Variants in RHOH observed in about 807,000 individuals in gnomAD.
RHOH encodes ras homolog family member H, also known as rho-related GTP-binding protein RhoH.
A neutral mutation model predicts 13.8 loss-of-function variants in RHOH; 6 were observed. The ratio of observed to expected loss-of-function variants is 0.44; its 90% CI spans 0.24 to 0.86. The LOEUF (loss-of-function observed/expected upper bound fraction) is 0.86. Ranked by LOEUF, RHOH falls within the 40% of genes least tolerant of loss-of-function variation. The probability of loss-of-function intolerance (pLI) is 0.24; values close to 1 mark genes in which losing one functional copy is unlikely to be tolerated. For synonymous variants in RHOH, 117 were observed against 103.0 expected (o/e 1.14, Z -0.82); for missense variants, 147 against 244.5 (o/e 0.60, Z 2.66).
chr4:40,214,153 T>G (rs145621004), intron 1 of RHOH, among the ~76,000 whole-genome samples: 5 of 152,306 alleles, frequency 3.3e-5, no homozygotes, highest in Non-Finnish European at 5.9e-5. Context: ...TCCTTTGCTA[T>G]TTGGTTCGCA....
chr4:40,210,469 C>T (rs1725142611), intron 1 of RHOH, among the ~76,000 whole-genome samples: 1 of 152,110 alleles, frequency 6.6e-6, no homozygotes, highest in Non-Finnish European at 1.5e-5. Context: ...GATGAGTTGG[C>T]AGTGGTTGTC....
intron 1 of RHOH, among the ~76,000 whole-genome samples, chr4:40,201,414 A>G (rs1723969366): frequency 1.3e-5 from 2 of 152,060 alleles, no homozygotes; most frequent in Admixed American, 1.3e-4. Context: ...GGAGATGTTT[A>G]CAGTGGTGTT....
intron 1 of RHOH, among the ~76,000 whole-genome samples, chr4:40,203,779 C>A (rs976255124): frequency 6.6e-6 from 1 of 152,072 alleles, no homozygotes; most frequent in African/African-American, 2.4e-5. Context: ...TTTTGTCCAG[C>A]ACTTGAACCA....
chr4:40,198,325 AG>A (rs1260666386), intron 1 of RHOH, among the ~76,000 whole-genome samples: 1 of 152,254 alleles, frequency 6.6e-6, no homozygotes, highest in Non-Finnish European at 1.5e-5. Context: ...GGAGATGATA[AG>A]GCCAGTTGAA....
chr4:40,243,308 T>C lies in RHOH; in HGVS notation c.-79T>C, dbSNP rs1350305626. ...CCTGGCTTGCATTCCCCTTGCTGAA[T>C]GGCGTGTGCTGCAGCTGCCCACTGA... On this transcript the variant is annotated 5_prime_UTR_variant, in exon 3 of 3. The change abolishes an upstream ATG in the 5' untranslated region. Transcript: ENST00000381799. This position sits in a 1 kb window ranked among gnomAD's most constrained non-coding sequence, Gnocchi z 6.2. The C allele has an allele frequency of 7.8e-7, 1 of 1,288,870 alleles. No individual in the cohort carries two copies. Among genetic ancestry groups the C allele is most frequent in the African/African-American group, 1.5e-5 (1 of 67,066 alleles). 79.8% of individuals were successfully genotyped at this position (1,288,870 alleles called of 1,614,324 possible).
upstream of RHOH, chr4:40,196,998 T>C (rs1723214617): frequency 6.8e-6 from 1 of 147,642 alleles, no homozygotes; most frequent in African/African-American, 2.5e-5. Flanking sequence ...TACAGGAAAT[T>C]GACTTAGGCA....
chr4:40,227,680 T>C (rs959559983), intron 1 of RHOH, among the ~76,000 whole-genome samples: 15 of 152,154 alleles, frequency 9.9e-5, no homozygotes, highest in African/African-American at 3.1e-4. Context: ...TTGCAACACA[T>C]TTAATCATAA....
intron 1 of RHOH, among the ~76,000 whole-genome samples, chr4:40,242,354 A>T (rs1729358100): frequency 6.6e-6 from 1 of 152,252 alleles, no homozygotes; most frequent in South Asian, 2.1e-4. Flanking sequence ...GCCACCAAAA[A>T]TGTTAAAAGA....
chr4:40,230,386 A>C (rs1420864295), intron 1 of RHOH, among the ~76,000 whole-genome samples: 2 of 151,902 alleles, frequency 1.3e-5, no homozygotes, highest in African/African-American at 4.8e-5. Context: ...GATGGAGTGC[A>C]GTAGTGTGAT....
intron 1 of RHOH, among the ~76,000 whole-genome samples, chr4:40,211,906 A>G (rs1725314066): frequency 6.6e-6 from 1 of 152,134 alleles, no homozygotes; most frequent in Non-Finnish European, 1.5e-5. Context: ...TCGAATTGTG[A>G]TGGTCAAATG....
intron 1 of RHOH, among the ~76,000 whole-genome samples, chr4:40,200,951 C>T (rs927986350): frequency 7.2e-5 from 11 of 152,156 alleles, no homozygotes; most frequent in Admixed American, 5.9e-4. Flanking sequence ...CTTCTTAGAG[C>T]ACAAGTTGAA....
At chr4:40,225,393 T>G (rs1727099424) in intron 1 of RHOH, among the ~76,000 whole-genome samples, 4 of 152,048 alleles carry the variant, frequency 2.6e-5, no homozygotes, top group Admixed American at 6.6e-5. Context: ...ACCTGAATGA[T>G]TTTTTTAAAG....
At position 40,238,257 on chromosome 4, in the gene RHOH, G is replaced by C. The variant is rs180845724; in HGVS notation, c.-330-4457G>C. Among the ~76,000 whole-genome samples the C allele has an allele frequency of 1.8e-4, 27 of 152,144 alleles. 1 individual carries two copies. The East Asian group carries it at 4.8e-3, about 27-fold the overall frequency. On this transcript the variant is annotated intron_variant, in intron 1 of 2. Transcript: ENST00000381799. The stretch of plus-strand genomic sequence containing the variant: ...TGGGGAGCACTGGTGGTCAAGGAAG[G>C]CTTTCCAGAAGGAGTGGGAGTTGGG...
At chr4:40,223,007 C>G (rs1395910758) in intron 1 of RHOH, among the ~76,000 whole-genome samples, 1 of 152,094 alleles carries the variant, frequency 6.6e-6, no homozygotes, top group Non-Finnish European at 1.5e-5. Flanking sequence ...GTAGAAGGAG[C>G]AAGAGAGCTA....
chr4:40,232,228 G>GT (rs11421467), intron 1 of RHOH, among the ~76,000 whole-genome samples: 95,673 of 151,944 alleles, frequency 0.63, 31,112 homozygotes, highest in Non-Finnish European at 0.7. Flanking sequence ...ATTGGTAACA[G>GT]TTTTTTTATT....
rs968923845 is a variant in RHOH, at chr4:40,218,544, A to G, written c.-331+21244A>G. The stretch of plus-strand genomic sequence containing the variant: ...AATGCAGGGCCAAGGCTGGGGGTGG[A>G]GAGGTAAGGCTAGGGAAGTCAAGGA... On this transcript the variant is annotated intron_variant, in intron 1 of 2. Coordinates refer to ENST00000381799, the MANE Select transcript of RHOH (RefSeq NM_004310.5). This position sits in a 1 kb window ranked among gnomAD's most constrained non-coding sequence, Gnocchi z 4.1. 2.0e-5 allele frequency among the ~76,000 whole-genome samples: 3 copies of G among 152,076 alleles called. No homozygotes were observed. The highest frequency in any genetic ancestry group is 4.4e-5 in the Non-Finnish European group (3 of 68,002).
chr4:40,191,759 A>C (rs6847074), upstream of RHOH, among the ~76,000 whole-genome samples: 1,034 of 152,342 alleles, frequency 6.8e-3, 13 homozygotes, highest in African/African-American at 0.024. Context: ...GCAGCTGAGA[A>C]TCCTGAGAAC....
intron 1 of RHOH, among the ~76,000 whole-genome samples, chr4:40,239,731 T>A (rs924664312): frequency 6.6e-6 from 1 of 151,968 alleles, no homozygotes; most frequent in East Asian, 1.9e-4. Flanking sequence ...ATACAAAAAT[T>A]AGCCAGGCGT....
chr4:40,196,132 C>G (rs773005065), upstream of RHOH, among the ~76,000 whole-genome samples: 3 of 152,132 alleles, frequency 2.0e-5, no homozygotes, highest in Non-Finnish European at 4.4e-5. Context: ...CAACCCAGCT[C>G]AATTAAACTC....
Sources: allele counts gnomAD v4.1 joint callset (sites outside exome capture counted in the v4.1 genomes callset), GRCh38; gene constraint gnomAD v4.1.1; non-coding constraint Gnocchi (gnomAD v3.1); transcripts MANE v1.5; gene names NCBI Gene and HGNC (gene_info 2026-07-23, HGNC 2026-07-21).